Variants in RAP1A observed in about 807,000 individuals in gnomAD.
RAP1A encodes ras-related protein Rap-1A.
Under a neutral mutation model 26.4 loss-of-function variants are expected in RAP1A, and 6 were observed. That is an observed-to-expected ratio of 0.23 (90% CI 0.12 to 0.45). RAP1A has a LOEUF of 0.45. Ranked by LOEUF, RAP1A falls within the 20% of genes least tolerant of loss-of-function variation. The pLI is 0.99. For missense variants in RAP1A, 121 were observed against 217.2 expected (o/e 0.56, Z 2.78); for synonymous variants, 73 against 79.4 (o/e 0.92, Z 0.43).
intron 1 of RAP1A, among the ~76,000 whole-genome samples, chr1:111,574,698 C>T (rs1288994219): frequency 6.6e-6 from 1 of 152,192 alleles, no homozygotes; most frequent in Non-Finnish European, 1.5e-5. Context: ...CACTTTCAGG[C>T]TAAAACTAGT....
intron 1 of RAP1A, among the ~76,000 whole-genome samples, chr1:111,578,391 T>C (rs1355793944): frequency 6.6e-6 from 1 of 152,128 alleles, no homozygotes; most frequent in Admixed American, 6.6e-5. Context: ...CTTAGAAGTT[T>C]GGGCAATGAA....
At chr1:111,559,659 AATT>A (rs573692009) in intron 1 of RAP1A, among the ~76,000 whole-genome samples, 2 of 152,172 alleles carry the variant, frequency 1.3e-5, no homozygotes, top group East Asian at 1.9e-4. Context: ...GCAAATATAA[AATT>A]ATTATTATTA....
At chr1:111,667,906 C>T (rs1460796188) in intron 1 of RAP1A, among the ~76,000 whole-genome samples, 1 of 152,144 alleles carries the variant, frequency 6.6e-6, no homozygotes, top group Non-Finnish European at 1.5e-5. Context: ...ACCAGCTAAA[C>T]CTGGGCTTAT....
rs956361757 is a variant in RAP1A at position 111,619,791 on chromosome 1, C to A, written c.-171C>A. 1.3e-5 allele frequency: 5 copies of A among 397,838 alleles called. No individual in the cohort carries two copies. The highest frequency in any genetic ancestry group is 2.2e-5 in the Non-Finnish European group (5 of 225,942). The allele number at this position is 397,838 out of a possible 1,614,324, so 24.6% of individuals were successfully genotyped here. The stretch of plus-strand genomic sequence containing the variant: ...GTGCGCGTTCTGGAGGAGGCGCCGC[C>A]GCCGCTCCCGAGGCCCCTGCCGCCG... On this transcript the variant is annotated 5_prime_UTR_variant, in exon 1 of 8. Transcript: ENST00000369709.
chr1:111,655,685 T>TA (rs1553220739), intron 1 of RAP1A, among the ~76,000 whole-genome samples: 11 of 139,880 alleles, frequency 7.9e-5, no homozygotes, highest in East Asian at 4.2e-4. Flanking sequence ...TTTTTTTTTT[T>TA]AAGACGGAAT....
In RAP1A at chr1:111,682,826, A is replaced by G. The variant is rs1470962614; in HGVS notation, c.-27-8508A>G. On this transcript the variant is annotated intron_variant, in intron 1 of 7. Transcript: ENST00000369709. ...ACCCAGCTCTGGACCAAGCGGACCTAATAGACATCTACAGAACCGTCCACC... is the reference window on the plus strand; with the variant it reads ...ACCCAGCTCTGGACCAAGCGGACCTGATAGACATCTACAGAACCGTCCACC... 2.6e-5 allele frequency among the ~76,000 whole-genome samples: 4 copies of G among 152,216 alleles called. No homozygotes were observed. The East Asian group carries it at 5.8e-4, about 22-fold the overall frequency.
intron 1 of RAP1A, among the ~76,000 whole-genome samples, chr1:111,635,842 G>C (rs973096673): frequency 3.9e-5 from 6 of 151,998 alleles, no homozygotes; most frequent in Admixed American, 3.9e-4. Context: ...CAAAGTGTTG[G>C]AATTACAGGT....
At chr1:111,617,659 C>T (rs1333595238), upstream of RAP1A, among the ~76,000 whole-genome samples, 2 of 151,478 alleles carry the variant, frequency 1.3e-5, no homozygotes, top group Non-Finnish European at 3.0e-5. Flanking sequence ...TGGTCTCGAT[C>T]TCCTGACCTC....
At chr1:111,580,997 C>T (rs1028264284) in intron 1 of RAP1A, among the ~76,000 whole-genome samples, 2 of 141,106 alleles carry the variant, frequency 1.4e-5, no homozygotes, top group Non-Finnish European at 3.2e-5. Context: ...TCCTGGAATT[C>T]ACCAACTGTC....
chr1:111,620,601 C>G (rs999605626), intron 1 of RAP1A, among the ~76,000 whole-genome samples: 2 of 152,336 alleles, frequency 1.3e-5, no homozygotes, highest in African/African-American at 4.8e-5. Context: ...GTTAATAGGG[C>G]TGACATCTAC....
At position 111,712,581 on chromosome 1, in the gene RAP1A, A is replaced by G. The variant is rs1218957726; in HGVS notation, c.*180A>G. ...TTGCACAAGTTCCCTGGAGAAAAAA[A>G]TTGCTCTGTGTATATCTCTTGGAAA... On this transcript the variant is annotated 3_prime_UTR_variant, in exon 8 of 8. Transcript: ENST00000369709. The G allele has an allele frequency of 6.6e-6, 1 of 152,524 alleles. No homozygotes were observed. Among genetic ancestry groups the G allele is most frequent in the East Asian group, 1.9e-4 (1 of 5,208 alleles). 9.4% of individuals were successfully genotyped at this position (152,524 alleles called of 1,614,324 possible). A position where few individuals can be genotyped will look rare whatever the true frequency, so the allele number is the denominator to read the frequency against.
chr1:111,557,529 A>G (rs754264469), intron 1 of RAP1A, among the ~76,000 whole-genome samples: 13 of 151,984 alleles, frequency 8.6e-5, no homozygotes, highest in Non-Finnish European at 1.8e-4. Context: ...CAGCCTGGGC[A>G]ATAGAGTGAG....
intron 1 of RAP1A, among the ~76,000 whole-genome samples, chr1:111,601,065 G>A (rs937447500): frequency 6.6e-6 from 1 of 152,142 alleles, no homozygotes; most frequent in South Asian, 2.1e-4. Flanking sequence ...GCAGAATGTG[G>A]GATTTCCAAG....
intron 1 of RAP1A, among the ~76,000 whole-genome samples, chr1:111,665,800 T>G (rs543167456): frequency 1.6e-3 from 237 of 152,324 alleles, no homozygotes; most frequent in Non-Finnish European, 3.0e-3. Flanking sequence ...CCCTTTCTTC[T>G]GGTAATTAGA....
At chr1:111,659,498 G>A (rs1660565419) in intron 1 of RAP1A, among the ~76,000 whole-genome samples, 1 of 150,222 alleles carries the variant, frequency 6.7e-6, no homozygotes, top group Non-Finnish European at 1.5e-5. Context: ...TCTTTAGTCC[G>A]TTGTGACAGT....
chr1:111,607,906 G>C (rs1354922843), intron 1 of RAP1A, among the ~76,000 whole-genome samples: 2 of 135,788 alleles, frequency 1.5e-5, no homozygotes, highest in East Asian at 4.6e-4. Context: ...GCGGCTGGCC[G>C]GGCAGAGGGG....
At chr1:111,686,312 G>C (rs1661476201) in intron 1 of RAP1A, among the ~76,000 whole-genome samples, 2 of 151,984 alleles carry the variant, frequency 1.3e-5, no homozygotes, top group African/African-American at 4.8e-5. Context: ...GAATGTAAAA[G>C]TGTTGGCTAG....
intron 1 of RAP1A, among the ~76,000 whole-genome samples, chr1:111,561,096 G>T (rs998386816): frequency 2.0e-5 from 3 of 152,080 alleles, no homozygotes; most frequent in African/African-American, 7.2e-5. Context: ...CATCTTCAAA[G>T]CTCCTCCCTA....
At chr1:111,610,934 A>C (rs978440788) in intron 1 of RAP1A, among the ~76,000 whole-genome samples, 5 of 151,488 alleles carry the variant, frequency 3.3e-5, no homozygotes, top group African/African-American at 1.2e-4. Context: ...AAATATTCAG[A>C]AAGTGACTTG....
Sources: allele counts gnomAD v4.1 joint callset (sites outside exome capture counted in the v4.1 genomes callset), GRCh38; gene constraint gnomAD v4.1.1; transcripts MANE v1.5; gene names NCBI Gene and HGNC (gene_info 2026-07-23, HGNC 2026-07-21).